Variants in GNA14 observed in about 807,000 individuals in gnomAD.
GNA14 encodes guanine nucleotide-binding protein subunit alpha-14.
GNA14 carries 50 observed loss-of-function variants against 42.0 expected under a neutral mutation model. That is an observed-to-expected ratio of 1.19 (90% CI 0.95 to 1.51). The LOEUF (loss-of-function observed/expected upper bound fraction) is 1.51. GNA14 is among the 40% of genes most tolerant of loss of function. GNA14 has a pLI of 0.00. For missense variants in GNA14, 473 were observed against 446.2 expected, an observed-to-expected ratio of 1.06 and a Z score of -0.54; for synonymous variants, 173 against 163.1, an observed-to-expected ratio of 1.06 and a Z score of -0.46.
At chr9:77,518,242 T>A (rs1225037077) in intron 2 of GNA14, 1 of 152,178 alleles carries the variant, frequency 6.6e-6, no homozygotes, top group Non-Finnish European at 1.5e-5. Flanking sequence ...GGAATTTCAC[T>A]TCAAGCCAGC....
intron 1 of GNA14, among the ~76,000 whole-genome samples, chr9:77,583,073 T>C (rs369043561): frequency 6.6e-6 from 1 of 152,218 alleles, no homozygotes; most frequent in East Asian, 1.9e-4. Flanking sequence ...GCTCAGACAC[T>C]TCCCAGCAGC....
intron 2 of GNA14, among the ~76,000 whole-genome samples, chr9:77,484,408 C>A (rs1836619153): frequency 6.7e-6 from 1 of 150,060 alleles, no homozygotes; most frequent in South Asian, 2.1e-4. Flanking sequence ...AATGGCTCAA[C>A]TGTGAACAAT....
chr9:77,560,467 T>TTTTG (rs927775145), intron 1 of GNA14, among the ~76,000 whole-genome samples: 5 of 151,946 alleles, frequency 3.3e-5, no homozygotes, highest in Non-Finnish European at 7.4e-5. Flanking sequence ...TTATGTTGTT[T>TTTTG]TTTGTTTGTT....
chr9:77,502,020 TTCTAA>T lies in GNA14; in HGVS notation c.309+27044_309+27048del, dbSNP rs746480726. On this transcript the variant is annotated intron_variant, in intron 2 of 6. Coordinates refer to ENST00000341700, the MANE Select transcript of GNA14 (RefSeq NM_004297.4). ...CCGTGCCCAGCCCAGATTGGATAAT[TTCTAA>T]TCTGTCTTCCAGCTCACTGATTCTT... 3.3e-5 allele frequency among the ~76,000 whole-genome samples: 5 copies of T among 152,306 alleles called. No homozygotes were observed. The South Asian group carries it at 6.2e-4, about 19-fold the overall frequency.
chr9:77,459,554 A>G (rs7858665), intron 2 of GNA14, among the ~76,000 whole-genome samples: 2,585 of 151,788 alleles, frequency 0.017, 74 homozygotes, highest in African/African-American at 0.059. Context: ...GCCTCAGGAG[A>G]CCCCACTGCT....
intron 1 of GNA14, among the ~76,000 whole-genome samples, chr9:77,634,616 C>G (rs974232319): frequency 1.3e-5 from 2 of 151,956 alleles, no homozygotes; most frequent in African/African-American, 4.8e-5. Context: ...TTTTCATATC[C>G]TTATACCACT....
At chr9:77,594,690 T>C (rs1453405789) in intron 1 of GNA14, among the ~76,000 whole-genome samples, 8 of 152,180 alleles carry the variant, frequency 5.3e-5, no homozygotes, top group Admixed American at 5.2e-4. Flanking sequence ...TTGAAGGATT[T>C]ATCAAGCATA....
intron 2 of GNA14, among the ~76,000 whole-genome samples, chr9:77,520,496 G>A (rs928979439): frequency 2.9e-4 from 44 of 152,182 alleles, no homozygotes; most frequent in East Asian, 3.8e-4. Flanking sequence ...CACAAAAGAC[G>A]TGAATTATGA....
chr9:77,478,255 C>T (rs1056393979), intron 2 of GNA14, among the ~76,000 whole-genome samples: 7 of 151,200 alleles, frequency 4.6e-5, no homozygotes, highest in African/African-American at 1.2e-4. Context: ...TCAATTCCCA[C>T]CTATGAGTGA....
At chr9:77,450,594 A>G (rs1272254035) in intron 2 of GNA14, among the ~76,000 whole-genome samples, 1 of 151,914 alleles carries the variant, frequency 6.6e-6, no homozygotes, top group Admixed American at 6.6e-5. Context: ...ACCTGATGCA[A>G]ATGTTTCCAT....
intron 3 of GNA14, among the ~76,000 whole-genome samples, chr9:77,433,785 T>TAGGC (rs1009344159): frequency 2.0e-5 from 3 of 152,236 alleles, no homozygotes; most frequent in Non-Finnish European, 4.4e-5. Flanking sequence ...ATACAGTGTG[T>TAGGC]AGGCCTTCGC....
chr9:77,504,346 G>A (rs986889408), intron 2 of GNA14, among the ~76,000 whole-genome samples: 1 of 151,988 alleles, frequency 6.6e-6, no homozygotes, highest in African/African-American at 2.4e-5. Context: ...CTCTCATAGG[G>A]AATCTGCTGT....
intron 1 of GNA14, among the ~76,000 whole-genome samples, chr9:77,559,029 TG>T (rs1351678790): frequency 1.3e-5 from 2 of 152,166 alleles, no homozygotes; most frequent in African/African-American, 2.4e-5. Context: ...TGGCTGGCTT[TG>T]TTTTTCCTCT....
chr9:77,530,547 C>T (rs1354147824), intron 1 of GNA14, among the ~76,000 whole-genome samples: 2 of 152,226 alleles, frequency 1.3e-5, no homozygotes, highest in Non-Finnish European at 2.9e-5. Context: ...CTTCATTTTA[C>T]AGATAAGAAA....
chr9:77,543,660 T>C (rs905785380), intron 1 of GNA14, among the ~76,000 whole-genome samples: 4 of 152,168 alleles, frequency 2.6e-5, no homozygotes, highest in Non-Finnish European at 2.9e-5. Context: ...ATTTACCTTT[T>C]CCCCATGTTT....
intron 2 of GNA14, among the ~76,000 whole-genome samples, chr9:77,466,915 CCT>C (rs564401570): frequency 4.1e-4 from 62 of 152,000 alleles, no homozygotes; most frequent in African/African-American, 1.5e-3. Flanking sequence ...GAGGCTGGCC[CCT>C]GAGTCAGCAT....
At chr9:77,433,926 T>C (rs560161276) in intron 3 of GNA14, among the ~76,000 whole-genome samples, 6 of 152,280 alleles carry the variant, frequency 3.9e-5, no homozygotes, top group East Asian at 1.9e-4. Context: ...AACTTGACTT[T>C]AGATTTTAGC....
chr9:77,493,036 T>A (rs1362475655), intron 2 of GNA14, among the ~76,000 whole-genome samples: 18 of 129,066 alleles, frequency 1.4e-4, no homozygotes, highest in African/African-American at 5.2e-4. Flanking sequence ...AATATATATA[T>A]ATATATATAT....
intron 2 of GNA14, among the ~76,000 whole-genome samples, chr9:77,476,586 C>A (rs1836428250): frequency 6.6e-6 from 1 of 152,206 alleles, no homozygotes; most frequent in Non-Finnish European, 1.5e-5. Flanking sequence ...CTGCCTCTTA[C>A]AACTGGTGAC....
Sources: gnomAD v4.1 joint callset for allele counts (sites outside exome capture counted in the v4.1 genomes callset) on GRCh38, gnomAD v4.1.1 for gene constraint, MANE v1.5 for transcripts, NCBI Gene and HGNC (gene_info 2026-07-23, HGNC 2026-07-21) for gene names.